The following ARID4B variants were observed in gnomAD, a reference collection of about 807,000 sequenced individuals.
The protein encoded by ARID4B is AT-rich interaction domain 4B, also known as AT-rich interactive domain-containing protein 4B.
A neutral mutation model predicts 147.5 loss-of-function variants in ARID4B; 26 were observed. The ratio of observed to expected loss-of-function variants is 0.18; its 90% CI spans 0.13 to 0.24. The LOEUF (loss-of-function observed/expected upper bound fraction) is 0.24. Among genes scored for constraint, ARID4B ranks in the 10% least tolerant of loss-of-function variants. ARID4B has a pLI of 1.00. For missense variants in ARID4B, 1,179 were observed against 1,511.5 expected (o/e 0.78, Z 3.65); for synonymous variants, 512 against 507.9 (o/e 1.01, Z -0.11).
At chr1:235,302,354 G>T (rs2103250905) in intron 2 of ARID4B, among the ~76,000 whole-genome samples, 1 of 132,680 alleles carries the variant, frequency 7.5e-6, no homozygotes, top group Middle Eastern at 3.6e-3. Flanking sequence ...GGAGGGGAGG[G>T]AAAGGAGTGG....
intron 13 of ARID4B, among the ~76,000 whole-genome samples, chr1:235,222,350 T>C (rs528619911): frequency 8.9e-4 from 136 of 152,340 alleles, no homozygotes; most frequent in African/African-American, 2.9e-3. Context: ...GGCTAATAAA[T>C]GCAGTTCTGC....
intron 2 of ARID4B, among the ~76,000 whole-genome samples, chr1:235,282,855 A>G (rs1488331618): frequency 6.6e-6 from 1 of 152,144 alleles, no homozygotes; most frequent in Non-Finnish European, 1.5e-5. Flanking sequence ...ATCTCGGCTC[A>G]CTGCAACCTC....
Position 235,177,841 on chromosome 1 carries a change from T to C in ARID4B, c.3407A>G (p.His1136Arg). 6.2e-7 allele frequency: 1 copy of C among 1,613,038 alleles called. No individual in the cohort carries two copies. The highest frequency in any genetic ancestry group is 8.5e-7 in the Non-Finnish European group (1 of 1,179,398). Residue 1136 changes from histidine to arginine, a missense_variant, in exon 21 of 24, where the codon CAT becomes CGT. Coordinates refer to ENST00000264183, the MANE Select transcript of ARID4B (RefSeq NM_016374.6). ...TTTGTTGTTTACCACTGTTGCTTTA[T>C]GGCTTCTTTTCTGCTTTTTTGATGA... ...GSSSKKQKRS[H>R]KATVVNNKKK...
chr1:235,208,127 T>C (rs1027057124), intron 17 of ARID4B, among the ~76,000 whole-genome samples: 6 of 152,214 alleles, frequency 3.9e-5, no homozygotes, highest in Admixed American at 3.9e-4. Flanking sequence ...ATTCAATCAG[T>C]ATTGATACAC....
intron 2 of ARID4B, among the ~76,000 whole-genome samples, chr1:235,293,424 C>G (rs1430442203): frequency 6.6e-6 from 1 of 152,128 alleles, no homozygotes; most frequent in African/African-American, 2.4e-5. Context: ...AGCTAGAGAC[C>G]ATCACTATTA....
At chr1:235,179,465 G>A (rs761528545) in intron 20 of ARID4B, among the ~76,000 whole-genome samples, 2 of 128,810 alleles carry the variant, frequency 1.6e-5, no homozygotes, top group African/African-American at 5.6e-5. Flanking sequence ...GGAGGTTGCA[G>A]TGAACCAAGA....
chr1:235,302,718 T>A (rs953325208), intron 2 of ARID4B, among the ~76,000 whole-genome samples: 2 of 152,210 alleles, frequency 1.3e-5, no homozygotes. Flanking sequence ...TAATAACTGC[T>A]GTGGGTCACT....
intron 6 of ARID4B, among the ~76,000 whole-genome samples, chr1:235,251,130 T>C (rs1358700202): frequency 6.6e-6 from 1 of 151,576 alleles, no homozygotes; most frequent in Non-Finnish European, 1.5e-5. Context: ...TGTGTAGAAA[T>C]TGCTAGGAAA....
At chr1:235,267,760 C>T (rs540980164) in intron 2 of ARID4B, among the ~76,000 whole-genome samples, 150 of 152,046 alleles carry the variant, frequency 9.9e-4, no homozygotes, top group South Asian at 2.9e-3. Context: ...AAAAAGTAGC[C>T]GGGCATGGTG....
chr1:235,255,265 A>AGATAGATAGATCTATC, intron 5 of ARID4B, among the ~76,000 whole-genome samples: 1 of 64,584 alleles, frequency 1.5e-5, no homozygotes, highest in African/African-American at 6.9e-5. Flanking sequence ...ATAGATAGAT[A>AGATAGATAGATCTATC]TATATCTCTC....
intron 16 of ARID4B, among the ~76,000 whole-genome samples, chr1:235,218,153 TA>T (rs1398420149): frequency 6.6e-6 from 1 of 151,970 alleles, no homozygotes; most frequent in East Asian, 1.9e-4. Flanking sequence ...AAGCAGGGAG[TA>T]CTATATAAAC....
At position 235,215,422 on chromosome 1, in the gene ARID4B, G is replaced by A. The variant is rs1055991040; in HGVS notation, c.1584-1396C>T. Among the ~76,000 whole-genome samples the A allele has an allele frequency of 2.6e-5, 4 of 151,970 alleles. No homozygotes were observed. The East Asian group carries it at 7.7e-4, about 29-fold the overall frequency. ...CATCATAAGGCAGAACAACCAGATA[G>A]TTTAGTATTTAAGCTTTAAAAATTA... is the stretch of plus-strand genomic sequence containing the variant. On this transcript the variant is annotated intron_variant, in intron 16 of 23. Coordinates refer to ENST00000264183, the MANE Select transcript of ARID4B (RefSeq NM_016374.6).
chr1:235,220,889 T>C (rs1188262421), intron 14 of ARID4B, among the ~76,000 whole-genome samples: 2 of 106,872 alleles, frequency 1.9e-5, no homozygotes, highest in Admixed American at 1.0e-4. Flanking sequence ...ATCCTTTTTT[T>C]GTTTTTTTTT....
chr1:235,303,608 G>C (rs1371279596), intron 2 of ARID4B, among the ~76,000 whole-genome samples: 3 of 152,162 alleles, frequency 2.0e-5, no homozygotes, highest in African/African-American at 7.2e-5. Flanking sequence ...TGTAATGCCA[G>C]CTATTTAATA....
intron 20 of ARID4B, among the ~76,000 whole-genome samples, chr1:235,179,553 A>AAAC (rs1664143848): frequency 2.7e-5 from 4 of 147,250 alleles, no homozygotes; most frequent in South Asian, 2.1e-4. Flanking sequence ...AAAAAAAAAA[A>AAAC]CCCAACAAAA....
At chr1:235,220,175 C>T in intron 15 of ARID4B, 127 bp downstream of exon 15, 1 of 910,780 alleles carries the variant, frequency 1.1e-6, no homozygotes, top group Non-Finnish European at 1.5e-6. Context: ...ACAAAAGTAG[C>T]ACTTAATGAA....
At chr1:235,225,448 A>G (rs1667768508) in intron 11 of ARID4B, among the ~76,000 whole-genome samples, 4 of 152,362 alleles carry the variant, frequency 2.6e-5, no homozygotes, top group African/African-American at 9.6e-5. Context: ...CTGGTCCTGA[A>G]GCAACCTGCA....
intron 17 of ARID4B, among the ~76,000 whole-genome samples, chr1:235,199,105 C>T (rs1461070828): frequency 6.6e-6 from 1 of 151,668 alleles, no homozygotes; most frequent in Non-Finnish European, 1.5e-5. Context: ...TCTCAAAAAA[C>T]AAAACAAAAA....
At chr1:235,178,953 C>T (rs1045819191) in intron 20 of ARID4B, among the ~76,000 whole-genome samples, 1 of 151,724 alleles carries the variant, frequency 6.6e-6, no homozygotes, top group African/African-American at 2.4e-5. Flanking sequence ...GTATGTGACC[C>T]ACCTAATGTC....
Sources: gnomAD v4.1 joint callset for allele counts (sites outside exome capture counted in the v4.1 genomes callset) on GRCh38, gnomAD v4.1.1 for gene constraint, MANE v1.5 for transcripts, NCBI Gene and HGNC (gene_info 2026-07-23, HGNC 2026-07-21) for gene names.